The following PARP8 variants were observed in gnomAD, a reference collection of about 807,000 sequenced individuals.
PARP8 encodes the protein poly(ADP-ribose) polymerase family member 8, also known as protein mono-ADP-ribosyltransferase PARP8.
Under a neutral mutation model 124.1 loss-of-function variants are expected in PARP8, and 51 were observed. That is an observed-to-expected ratio of 0.41 (90% CI 0.33 to 0.52). The LOEUF (loss-of-function observed/expected upper bound fraction) is 0.52, where lower values mean the gene tolerates loss of function less well. Ranked by LOEUF, PARP8 falls within the 20% of genes least tolerant of loss-of-function variation. PARP8 has a pLI of 0.21. For missense variants in PARP8, 860 were observed against 1,018.9 expected (o/e 0.84, Z 2.12); for synonymous variants, 391 against 361.5 (o/e 1.08, Z -0.93).
intron 2 of PARP8, among the ~76,000 whole-genome samples, chr5:50,707,653 GA>G (rs1754295724): frequency 6.6e-6 from 1 of 151,554 alleles, no homozygotes; most frequent in African/African-American, 2.4e-5. Flanking sequence ...GAGAGAGAGA[GA>G]GAGAGAGAGA....
chr5:50,828,038 G>A lies in PARP8; in HGVS notation c.2072G>A (p.Gly691Glu). Residue 691 changes from glycine (G) to glutamate (E), a missense_variant, in exon 20 of 26, where the codon GGA (glycine) becomes GAA (glutamate). By Grantham distance (98) the Gly-to-Glu change is moderately conservative. Transcript: ENST00000281631. ...TTTAGAGCTGCTAAAAAACTCTTTG[G>A]AAGCACCTTTGCATTTCAGTGAGTA... is the stretch of plus-strand genomic sequence containing the variant. ...SNFRAAKKLFGSTFAFHGSHI... is the reference protein window; with the variant it reads ...SNFRAAKKLFESTFAFHGSHI... 1 of 1,609,682 alleles carries A rather than the reference G, an allele frequency of 6.2e-7. No homozygotes were observed. Among genetic ancestry groups the A allele is most frequent in the Non-Finnish European group, 8.5e-7 (1 of 1,176,172 alleles).
chr5:50,769,787 G>A (rs561892377), intron 7 of PARP8, among the ~76,000 whole-genome samples: 3 of 152,056 alleles, frequency 2.0e-5, no homozygotes, highest in Admixed American at 6.5e-5. Flanking sequence ...ATACATGGAA[G>A]AGACTGGAAT....
chr5:50,780,739 A>G (rs1740576828), intron 9 of PARP8, among the ~76,000 whole-genome samples: 2 of 152,156 alleles, frequency 1.3e-5, no homozygotes, highest in African/African-American at 4.8e-5. Flanking sequence ...TTCATACCTG[A>G]TAATGACTTT....
intron 2 of PARP8, among the ~76,000 whole-genome samples, chr5:50,679,637 G>A (rs1751053111): frequency 6.6e-6 from 1 of 151,980 alleles, no homozygotes; most frequent in Non-Finnish European, 1.5e-5. Context: ...TTTCAGTGGC[G>A]CATCCTGGTT....
intron 2 of PARP8, among the ~76,000 whole-genome samples, chr5:50,707,453 A>G (rs1754266539): frequency 6.6e-6 from 1 of 152,108 alleles, no homozygotes; most frequent in Admixed American, 6.6e-5. Context: ...CCTAGAATTC[A>G]TAATCTTTTT....
chr5:50,757,920 G>A (rs1322647333), intron 3 of PARP8, among the ~76,000 whole-genome samples: 1 of 152,034 alleles, frequency 6.6e-6, no homozygotes, highest in African/African-American at 2.4e-5. Flanking sequence ...TTTTGTTTCT[G>A]TTGGTCTAAT....
At chr5:50,686,606 G>A (rs1416496452) in intron 2 of PARP8, among the ~76,000 whole-genome samples, 2 of 152,230 alleles carry the variant, frequency 1.3e-5, no homozygotes, top group Non-Finnish European at 2.9e-5. Context: ...CCTAGCAGAG[G>A]TTCTCCATGA....
chr5:50,806,556 G>A (rs1315470162), intron 14 of PARP8, among the ~76,000 whole-genome samples: 1 of 151,884 alleles, frequency 6.6e-6, no homozygotes, highest in Non-Finnish European at 1.5e-5. Flanking sequence ...AAATAAATAC[G>A]GATGATTATC....
At chr5:50,705,673 T>A (rs577622753) in intron 2 of PARP8, among the ~76,000 whole-genome samples, 1 of 151,936 alleles carries the variant, frequency 6.6e-6, no homozygotes, top group Non-Finnish European at 1.5e-5. Flanking sequence ...TAATCCCAGC[T>A]ACTCGGGAGG....
intron 7 of PARP8, among the ~76,000 whole-genome samples, chr5:50,774,893 C>T (rs1450702943): frequency 1.4e-4 from 20 of 142,146 alleles, no homozygotes; most frequent in South Asian, 6.8e-4. Context: ...GATGGGCGGC[C>T]GGGCAGAGGT....
chr5:50,721,025 C>T (rs1399416670), intron 2 of PARP8, among the ~76,000 whole-genome samples: 3 of 151,890 alleles, frequency 2.0e-5, no homozygotes, highest in African/African-American at 7.3e-5. Flanking sequence ...GATACATCTC[C>T]TGTGTCCTCT....
At chr5:50,764,035 C>T (rs979697917) in intron 7 of PARP8, among the ~76,000 whole-genome samples, 3 of 152,202 alleles carry the variant, frequency 2.0e-5, no homozygotes, top group Non-Finnish European at 2.9e-5. Flanking sequence ...TGCGGCTCTT[C>T]AAATCCCACT....
intron 2 of PARP8, among the ~76,000 whole-genome samples, chr5:50,681,867 T>G (rs1348042980): frequency 6.6e-6 from 1 of 152,186 alleles, no homozygotes; most frequent in Non-Finnish European, 1.5e-5. Context: ...CTTTTTCAGC[T>G]TGTTGCTTGT....
chr5:50,702,460 A>G (rs1753698359), intron 2 of PARP8, among the ~76,000 whole-genome samples: 1 of 152,172 alleles, frequency 6.6e-6, no homozygotes, highest in Non-Finnish European at 1.5e-5. Context: ...GATGATTTTC[A>G]GGGCTTCTCA....
chr5:50,753,684 G>A (rs1329319365), intron 3 of PARP8, among the ~76,000 whole-genome samples: 9 of 151,804 alleles, frequency 5.9e-5, no homozygotes, highest in Admixed American at 2.6e-4. Context: ...ACTGCTATAG[G>A]GGATGAGGTG....
At chr5:50,752,519 C>T (rs1397099035) in intron 3 of PARP8, among the ~76,000 whole-genome samples, 1 of 151,920 alleles carries the variant, frequency 6.6e-6, no homozygotes, top group Non-Finnish European at 1.5e-5. Context: ...AGTATTTGGT[C>T]CGTAATTGTA....
At chr5:50,812,568 C>A (rs1255438702) in intron 14 of PARP8, among the ~76,000 whole-genome samples, 1 of 152,026 alleles carries the variant, frequency 6.6e-6, no homozygotes, top group African/African-American at 2.4e-5. Flanking sequence ...ATGGTAGTTT[C>A]TTTTGCTGTG....
At chr5:50,824,739 C>G (rs779487417) in intron 17 of PARP8, among the ~76,000 whole-genome samples, 169 bp from the exon 18 acceptor site, 20 of 151,978 alleles carry the variant, frequency 1.3e-4, no homozygotes, top group Non-Finnish European at 2.4e-4. Context: ...TTCACAATTC[C>G]CATCATCTTG....
intron 2 of PARP8, among the ~76,000 whole-genome samples, chr5:50,723,069 A>G (rs1296600900): frequency 6.6e-6 from 1 of 152,148 alleles, no homozygotes; most frequent in Non-Finnish European, 1.5e-5. Context: ...ATGTTAAAAT[A>G]TATTCTCGCC....
Sources: gnomAD v4.1 joint callset for allele counts (sites outside exome capture counted in the v4.1 genomes callset) on GRCh38, gnomAD v4.1.1 for gene constraint, MANE v1.5 for transcripts, NCBI Gene and HGNC (gene_info 2026-07-23, HGNC 2026-07-21) for gene names.